Variants in SPEF2 observed in about 807,000 individuals in gnomAD.
SPEF2 encodes the protein sperm flagellar and cilia associated 2.
Under a neutral mutation model 224.6 loss-of-function variants are expected in SPEF2, and 187 were observed. The ratio of observed to expected loss-of-function variants is 0.83; its 90% CI spans 0.74 to 0.94. The LOEUF (loss-of-function observed/expected upper bound fraction) is 0.94. Among genes scored for constraint, SPEF2 ranks in the 40% least tolerant of loss-of-function variants. SPEF2 has a pLI of 0.00. For synonymous variants in SPEF2, 715 were observed against 707.3 expected (o/e 1.01, Z -0.17); for missense variants, 2,170 against 2,135.6 (o/e 1.02, Z -0.32).
chr5:35,765,490 T>C (rs553107061), intron 26 of SPEF2, among the ~76,000 whole-genome samples: 4 of 152,204 alleles, frequency 2.6e-5, no homozygotes, highest in Non-Finnish European at 5.9e-5. Context: ...TAGACAATAC[T>C]ATACTTAATA....
In SPEF2 at chr5:35,635,235, T is replaced by C. The variant is rs183188528; in HGVS notation, c.162-6196T>C. On this transcript the variant is annotated intron_variant, in intron 2 of 36. Transcript: ENST00000356031. ...CTGTTGAACTCTTATTGTGAATGTTTTTATTTCAGTTGTACTTTTCAACTT... is the reference window on the plus strand; with the variant it reads ...CTGTTGAACTCTTATTGTGAATGTTCTTATTTCAGTTGTACTTTTCAACTT... 1.7e-3 allele frequency among the ~76,000 whole-genome samples: 261 copies of C among 152,280 alleles called. 1 individual carries two copies. The highest frequency in any genetic ancestry group is 6.1e-3 in the African/African-American group (252 of 41,580).
At chr5:35,775,190 T>G (rs1184220717) in intron 28 of SPEF2, among the ~76,000 whole-genome samples, 1 of 152,052 alleles carries the variant, frequency 6.6e-6, no homozygotes, top group Non-Finnish European at 1.5e-5. Flanking sequence ...TCACAGCTAC[T>G]GAAGAGATTG....
At chr5:35,651,345 A>C (rs1748161544) in intron 6 of SPEF2, among the ~76,000 whole-genome samples, 1 of 152,156 alleles carries the variant, frequency 6.6e-6, no homozygotes, top group Admixed American at 6.5e-5. Context: ...TGGTCCTGCC[A>C]AAGATTTCCA....
In SPEF2 at chr5:35,790,176, A is replaced by G. The variant is rs1474295743; in HGVS notation, c.4448-2164A>G. The G allele has an allele frequency of 1.4e-5, 10 of 701,836 alleles. No homozygotes were observed. In the South Asian group the frequency reaches 1.5e-4, roughly 10 times the overall value. 43.5% of individuals were successfully genotyped at this position (701,836 alleles called of 1,614,324 possible). ...TGGCTTTAGTCAGATGAAATGGACC[A>G]AGTCACATATGCATGCAAAAATCAA... On this transcript the variant is annotated intron_variant, in intron 30 of 36. Transcript: ENST00000356031.
intron 34 of SPEF2, among the ~76,000 whole-genome samples, chr5:35,800,780 GGGGCT>G (rs1757313454): frequency 6.6e-6 from 1 of 152,106 alleles, no homozygotes; most frequent in South Asian, 2.1e-4. Context: ...CTGTTGTTTG[GGGGCT>G]GGAGCAGTGG....
At position 35,628,503 on chromosome 5, in the gene SPEF2, T is replaced by G. The variant is rs760124537; in HGVS notation, c.102T>G (p.Leu34=). The change falls in exon 2 of 37, where the codon CTT becomes CTG. Residue 34 remains leucine (L), a synonymous_variant. Coordinates refer to ENST00000356031, the MANE Select transcript of SPEF2 (RefSeq NM_024867.4). ...AGGCATTTTCCAGTGGCTATCTACT[T>G]GGAGAAGTTCTACACAAGTTTGAAC... is the stretch of plus-strand genomic sequence containing the variant. ...FAKAFSSGYL[L]GEVLHKFELQ... 6.2e-7 allele frequency: 1 copy of G among 1,614,074 alleles called. No individual in the cohort carries two copies.
intron 15 of SPEF2, chr5:35,699,566 A>T (rs1004261331): frequency 6.6e-5 from 10 of 152,182 alleles, no homozygotes; most frequent in African/African-American, 2.2e-4. Context: ...TCAGATCAGG[A>T]TACTATGACT....
At chr5:35,789,402 T>C (rs1236578117) in intron 30 of SPEF2, 2 of 701,468 alleles carry the variant, frequency 2.9e-6, no homozygotes, top group Admixed American at 2.0e-5. Context: ...ATCTGAGGTC[T>C]GTCAAACTAG....
intron 21 of SPEF2, among the ~76,000 whole-genome samples, chr5:35,728,939 A>G (rs6897787): frequency 0.66 from 100,254 of 151,892 alleles, 33,696 homozygotes; most frequent in African/African-American, 0.76. Context: ...TGTTAGGAAT[A>G]AGATAAAATT....
chr5:35,747,237 C>T (rs1748680974), intron 23 of SPEF2, among the ~76,000 whole-genome samples: 1 of 152,014 alleles, frequency 6.6e-6, no homozygotes, highest in Non-Finnish European at 1.5e-5. Flanking sequence ...CACACAGGAC[C>T]TATTAAACAA....
chr5:35,806,437 AG>A, intron 34 of SPEF2, among the ~76,000 whole-genome samples: 1 of 152,252 alleles, frequency 6.6e-6, no homozygotes, highest in Non-Finnish European at 1.5e-5. Flanking sequence ...AGTACCTGGC[AG>A]GGTAGTCAGC....
chr5:35,773,770 T>A, intron 27 of SPEF2, 123 bp from the exon 28 acceptor site: 9 of 1,146,418 alleles, frequency 7.9e-6, no homozygotes, highest in Non-Finnish European at 3.5e-6. Context: ...AAGGTTTCAT[T>A]GTTTCCGAAT....
chr5:35,803,353 C>G (rs912172890), intron 34 of SPEF2, among the ~76,000 whole-genome samples: 11 of 152,348 alleles, frequency 7.2e-5, no homozygotes, highest in African/African-American at 2.4e-4. Flanking sequence ...CCTTCCATCC[C>G]TGAGTGCTGC....
intron 10 of SPEF2, 97 bp downstream of exon 10, chr5:35,670,324 A>G: frequency 6.8e-7 from 1 of 1,463,978 alleles, no homozygotes; most frequent in Admixed American, 2.6e-5. Flanking sequence ...CTACTAATAA[A>G]AATAGACATG....
chr5:35,806,724 A>T lies in SPEF2; in HGVS notation c.5028A>T (p.Ala1676=), dbSNP rs768284503. ...PSAEKTSSTD[A]GPAEEFPEPE... is the part of the protein sequence containing the mutation. Reference sequence around the variant, plus strand: ...CTTTGCAGACCTCCTCAACTGATGCAGGTCCAGCTGAGGAATTTCCTGAAC... The same window carrying T: ...CTTTGCAGACCTCCTCAACTGATGCTGGTCCAGCTGAGGAATTTCCTGAAC... Residue 1676 remains alanine, a synonymous_variant, in exon 35 of 37, where the codon GCA becomes GCT. Transcript: ENST00000356031. The T allele has an allele frequency of 1.2e-6, 2 of 1,613,116 alleles. No individual in the cohort carries two copies.
intron 20 of SPEF2, among the ~76,000 whole-genome samples, chr5:35,721,703 T>G (rs1207122011): frequency 2.0e-5 from 3 of 150,698 alleles, no homozygotes; most frequent in African/African-American, 7.3e-5. Flanking sequence ...GCCGAATTAG[T>G]TAGAGATCTT....
intron 24 of SPEF2, among the ~76,000 whole-genome samples, chr5:35,755,776 A>C (rs965774458): frequency 3.3e-5 from 5 of 151,940 alleles, no homozygotes; most frequent in Non-Finnish European, 5.9e-5. Flanking sequence ...CGCCTGGCTA[A>C]TTTTTGTATT....
intron 34 of SPEF2, among the ~76,000 whole-genome samples, chr5:35,802,560 T>G (rs1441957137): frequency 1.3e-5 from 2 of 151,272 alleles, no homozygotes; most frequent in African/African-American, 2.4e-5. Context: ...ATACAGGCAT[T>G]GGAAGAGGGG....
At chr5:35,775,902 A>G (rs1753554632) in intron 28 of SPEF2, among the ~76,000 whole-genome samples, 1 of 152,146 alleles carries the variant, frequency 6.6e-6, no homozygotes, top group South Asian at 2.1e-4. Flanking sequence ...TACAATGGCA[A>G]TGCCACCCCA....
Sources: allele counts gnomAD v4.1 joint callset (sites outside exome capture counted in the v4.1 genomes callset), GRCh38; gene constraint gnomAD v4.1.1; transcripts MANE v1.5; gene names NCBI Gene and HGNC (gene_info 2026-07-23, HGNC 2026-07-21).